GRM3: variants seen among roughly 807,000 people sequenced by gnomAD.
GRM3 encodes the protein metabotropic glutamate receptor 3.
A neutral mutation model predicts 70.5 loss-of-function variants in GRM3; 26 were observed. The ratio of observed to expected loss-of-function variants is 0.37; its 90% CI spans 0.27 to 0.51. The LOEUF (loss-of-function observed/expected upper bound fraction) is 0.51. GRM3 is among the 20% of genes least tolerant of loss of function. GRM3 has a pLI of 0.93. For synonymous variants in GRM3, 443 were observed against 434.9 expected, an observed-to-expected ratio of 1.02 and a Z score of -0.23; for missense variants, 859 against 1,123.8, an observed-to-expected ratio of 0.76 and a Z score of 3.37.
intron 2 of GRM3, among the ~76,000 whole-genome samples, chr7:86,773,723 G>A (rs1363545968): frequency 3.9e-5 from 6 of 152,080 alleles, no homozygotes; most frequent in African/African-American, 1.4e-4. Context: ...CACAGGGAGG[G>A]AGGCACCAGC....
At chr7:86,681,071 A>G (rs1369079079) in intron 1 of GRM3, among the ~76,000 whole-genome samples, 3 of 152,172 alleles carry the variant, frequency 2.0e-5, no homozygotes, top group Admixed American at 2.0e-4. Context: ...ACACCCACAC[A>G]GTAAATAGGA....
chr7:86,787,068 G>A lies in GRM3; in HGVS notation c.1276G>A (p.Asp426Asn). ...TKLCDAMKIL[D>N]GKKLYKDYLL... ...GCTTTGTGATGCTATGAAGATCCTG[G>A]ATGGGAAGAAGTTGTACAAGGATTA... The change falls in exon 3 of 6, where the codon GAT (aspartate) becomes AAT (asparagine). Residue 426 changes from aspartate to asparagine, a missense_variant. Coordinates refer to ENST00000361669, the MANE Select transcript of GRM3 (RefSeq NM_000840.3). The A allele has an allele frequency of 1.2e-6, 2 of 1,612,350 alleles. No homozygotes were observed. The highest frequency in any genetic ancestry group is 1.7e-6 in the Non-Finnish European group (2 of 1,179,096).
At chr7:86,794,357 A>G (rs966115462) in intron 3 of GRM3, among the ~76,000 whole-genome samples, 1 of 152,210 alleles carries the variant, frequency 6.6e-6, no homozygotes, top group African/African-American at 2.4e-5. Context: ...CAGGATAGCA[A>G]TCACATACTG....
chr7:86,678,414 A>G (rs926315592), intron 1 of GRM3, among the ~76,000 whole-genome samples: 1 of 152,046 alleles, frequency 6.6e-6, no homozygotes, highest in African/African-American at 2.4e-5. Context: ...CCATTCCTGC[A>G]AGGAGAAAAA....
chr7:86,684,915 C>T (rs369542695), intron 1 of GRM3, among the ~76,000 whole-genome samples: 9 of 152,142 alleles, frequency 5.9e-5, no homozygotes, highest in South Asian at 2.1e-4. Context: ...AACAAGATGA[C>T]CTATATCAGA....
At chr7:86,685,225 C>T (rs1402395904) in intron 1 of GRM3, among the ~76,000 whole-genome samples, 1 of 152,158 alleles carries the variant, frequency 6.6e-6, no homozygotes, top group South Asian at 2.1e-4. Flanking sequence ...GCACCAAAGA[C>T]AGTTGGTATG....
At chr7:86,803,436 C>A (rs1260565312) in intron 3 of GRM3, among the ~76,000 whole-genome samples, 2 of 152,056 alleles carry the variant, frequency 1.3e-5, no homozygotes, top group African/African-American at 4.8e-5. Context: ...AATCCAATGG[C>A]TAAACTGTAG....
chr7:86,769,035 A>G (rs995535605), intron 2 of GRM3, among the ~76,000 whole-genome samples: 1 of 152,148 alleles, frequency 6.6e-6, no homozygotes, highest in African/African-American at 2.4e-5. Flanking sequence ...CCAAAGCCAT[A>G]AATTCCTAAT....
chr7:86,816,157 T>C (rs930817518), intron 3 of GRM3, among the ~76,000 whole-genome samples: 4 of 151,802 alleles, frequency 2.6e-5, no homozygotes, highest in Non-Finnish European at 4.4e-5. Flanking sequence ...ATTTGCAGAG[T>C]AGGCACTCCA....
intron 1 of GRM3, among the ~76,000 whole-genome samples, chr7:86,679,905 T>A (rs1794403062): frequency 6.6e-6 from 1 of 152,128 alleles, no homozygotes; most frequent in South Asian, 2.1e-4. Context: ...AAAAAATATA[T>A]TCAACATGAA....
At chr7:86,746,383 C>T (rs1796106778) in intron 1 of GRM3, among the ~76,000 whole-genome samples, 1 of 86,110 alleles carries the variant, frequency 1.2e-5, no homozygotes, top group South Asian at 3.5e-4. Context: ...ATAATCACTT[C>T]AATAGAATTC....
chr7:86,697,053 G>A (rs1393313123), intron 1 of GRM3, among the ~76,000 whole-genome samples: 1 of 152,050 alleles, frequency 6.6e-6, no homozygotes, highest in Non-Finnish European at 1.5e-5. Flanking sequence ...GAGAAAGAAT[G>A]CTTTGACTTA....
intron 1 of GRM3, among the ~76,000 whole-genome samples, chr7:86,655,941 C>G (rs1007190084): frequency 1.3e-5 from 2 of 151,738 alleles, no homozygotes; most frequent in African/African-American, 4.8e-5. Flanking sequence ...AATTTTCTTT[C>G]ATCTGACCAT....
intron 1 of GRM3, among the ~76,000 whole-genome samples, chr7:86,746,463 A>G (rs544050840): frequency 6.7e-6 from 1 of 148,386 alleles, no homozygotes; most frequent in South Asian, 2.2e-4. Flanking sequence ...TTCCAGAAAT[A>G]TTTGTCAATA....
intron 5 of GRM3, among the ~76,000 whole-genome samples, chr7:86,863,784 T>TGAGCTCCC (rs1799005162): frequency 1.3e-5 from 2 of 152,176 alleles, no homozygotes; most frequent in Non-Finnish European, 2.9e-5. Context: ...TTGCACATTG[T>TGAGCTCCC]ATTTAAACCA....
At chr7:86,675,514 A>T (rs549307154) in intron 1 of GRM3, among the ~76,000 whole-genome samples, 11 of 152,174 alleles carry the variant, frequency 7.2e-5, no homozygotes, top group African/African-American at 2.6e-4. Flanking sequence ...AAAAAGTAAC[A>T]CTAACACAGA....
intron 1 of GRM3, among the ~76,000 whole-genome samples, chr7:86,701,361 C>T (rs1794943615): frequency 6.6e-6 from 1 of 151,692 alleles, no homozygotes; most frequent in African/African-American, 2.4e-5. Context: ...CCTAATATTA[C>T]AGGTAAAAAT....
intron 5 of GRM3, among the ~76,000 whole-genome samples, chr7:86,856,513 T>C (rs1355121169): frequency 1.3e-5 from 2 of 150,864 alleles, no homozygotes; most frequent in Non-Finnish European, 3.0e-5. Flanking sequence ...GCTTATTTCA[T>C]CACTTGAAAT....
At chr7:86,684,488 A>G (rs1584163257) in intron 1 of GRM3, among the ~76,000 whole-genome samples, 1 of 152,186 alleles carries the variant, frequency 6.6e-6, no homozygotes, top group East Asian at 1.9e-4. Context: ...TATGTTTCTA[A>G]CCAATTTTCA....
Sources: allele counts gnomAD v4.1 joint callset (sites outside exome capture counted in the v4.1 genomes callset), GRCh38; gene constraint gnomAD v4.1.1; transcripts MANE v1.5; gene names NCBI Gene and HGNC (gene_info 2026-07-23, HGNC 2026-07-21).